The following FAM107A variants were observed in gnomAD, a reference collection of about 807,000 sequenced individuals.
FAM107A encodes the protein actin-associated protein FAM107A.
A neutral mutation model predicts 13.7 loss-of-function variants in FAM107A; 19 were observed. The ratio of observed to expected loss-of-function variants is 1.38; its 90% CI spans 0.97 to 2.03. The LOEUF is 2.03. Ranked by LOEUF, FAM107A falls within the 30% of genes most tolerant of loss-of-function variation. The probability of loss-of-function intolerance (pLI) is 0.00; values close to 1 mark genes in which losing one functional copy is unlikely to be tolerated. For missense variants in FAM107A, 203 were observed against 184.4 expected, an observed-to-expected ratio of 1.10 and a Z score of -0.58; for synonymous variants, 82 against 74.5, an observed-to-expected ratio of 1.10 and a Z score of -0.52.
At chr3:58,584,239 G>A (rs1196473162) in intron 1 of FAM107A, among the ~76,000 whole-genome samples, 2 of 152,162 alleles carry the variant, frequency 1.3e-5, no homozygotes, top group African/African-American at 4.8e-5. Context: ...GTTTCCAATA[G>A]GGGTTTCCAT....
At chr3:58,581,728 C>A (rs975535987), upstream of FAM107A, among the ~76,000 whole-genome samples, 3 of 152,128 alleles carry the variant, frequency 2.0e-5, no homozygotes, top group African/African-American at 7.2e-5. Flanking sequence ...GTCGCCTTTA[C>A]AACAAGTTTG....
chr3:58,618,581 G>A (rs1193918156), intron 1 of FAM107A, among the ~76,000 whole-genome samples: 1 of 152,242 alleles, frequency 6.6e-6, no homozygotes, highest in Non-Finnish European at 1.5e-5. Context: ...AGGAAGATTG[G>A]ATTAGGAGGA....
At chr3:58,627,261 C>T in intron 1 of FAM107A, 1 of 503,434 alleles carries the variant, frequency 2.0e-6, no homozygotes, top group Non-Finnish European at 3.5e-6. Flanking sequence ...CCCTGCAGCT[C>T]CTCACCTCCC....
At chr3:58,627,388 C>T (rs1257877688) in intron 1 of FAM107A, 1 of 211,188 alleles carries the variant, frequency 4.7e-6, no homozygotes, top group African/African-American at 2.3e-5. Flanking sequence ...CTCTGCCTGG[C>T]CCAGCGGGCA....
intron 1 of FAM107A, among the ~76,000 whole-genome samples, chr3:58,574,571 A>G (rs1321692453): frequency 6.6e-6 from 1 of 152,176 alleles, no homozygotes; most frequent in African/African-American, 2.4e-5. Flanking sequence ...GCTCCTCTGT[A>G]GAATTGTGAT....
chr3:58,582,838 T>C (rs1397182245), intron 1 of FAM107A, among the ~76,000 whole-genome samples: 2 of 152,332 alleles, frequency 1.3e-5, no homozygotes, highest in Non-Finnish European at 1.5e-5. Context: ...CTTGCTCTGT[T>C]GCCAGGCTGG....
chr3:58,615,724 T>A (rs2065895383), intron 1 of FAM107A, among the ~76,000 whole-genome samples: 1 of 151,788 alleles, frequency 6.6e-6, no homozygotes, highest in South Asian at 2.1e-4. Context: ...GGTGAGACAC[T>A]GTCTCTACAA....
At chr3:58,616,264 A>G (rs547644662) in intron 1 of FAM107A, among the ~76,000 whole-genome samples, 7 of 152,228 alleles carry the variant, frequency 4.6e-5, no homozygotes, top group Non-Finnish European at 8.8e-5. Flanking sequence ...CAGCTGGCAG[A>G]GGATGGATGG....
chr3:58,597,229 G>A (rs1043788975), intron 1 of FAM107A, among the ~76,000 whole-genome samples: 1 of 152,202 alleles, frequency 6.6e-6, no homozygotes, highest in African/African-American at 2.4e-5. Context: ...GTGGACTTGG[G>A]GGATCATAAG....
At chr3:58,578,942 T>TA (rs1296008321), upstream of FAM107A, among the ~76,000 whole-genome samples, 10 of 152,356 alleles carry the variant, frequency 6.6e-5, no homozygotes, top group African/African-American at 2.4e-4. Flanking sequence ...TCCTACTGTG[T>TA]TCCTGGCACT....
chr3:58,595,959 T>G (rs895691663), intron 1 of FAM107A, among the ~76,000 whole-genome samples: 1 of 152,232 alleles, frequency 6.6e-6, no homozygotes, highest in Admixed American at 6.5e-5. Context: ...TTCTCACCGT[T>G]TCCAAATCGG....
At chr3:58,586,670 T>A (rs959902837) in intron 1 of FAM107A, among the ~76,000 whole-genome samples, 4 of 152,024 alleles carry the variant, frequency 2.6e-5, no homozygotes, top group African/African-American at 9.7e-5. Flanking sequence ...TGCACTCCAG[T>A]CGGGGAGAAA....
chr3:58,567,210 G>A lies in FAM107A; in HGVS notation c.325C>T (p.Gln109Ter). ...CCTGCTGGGTGCCCATCACCCACCT[G>A]GTTCAGCCTCTGCTGCCGTCTCAGC... ...ELLRRQQRLN[Q>*]LEKPPEKEED... Residue 109 changes from glutamine to a stop codon, truncating the protein, a stop_gained and splice_region_variant, in exon 3 of 4, where the codon CAG (glutamine) becomes TAG (stop). Coordinates refer to ENST00000360997, the MANE Select transcript of FAM107A (RefSeq NM_001076778.3). LOFTEE classifies it high-confidence loss of function. 1 of 1,614,202 alleles carries A rather than the reference G, an allele frequency of 6.2e-7. No homozygotes were observed. Among genetic ancestry groups the A allele is most frequent in the Non-Finnish European group, 8.5e-7 (1 of 1,180,032 alleles).
upstream of FAM107A, among the ~76,000 whole-genome samples, chr3:58,578,623 A>T (rs2063749223): frequency 6.6e-6 from 1 of 152,202 alleles, no homozygotes; most frequent in African/African-American, 2.4e-5. Context: ...AAATGTATGT[A>T]GATCCTTAAG....
intron 1 of FAM107A, among the ~76,000 whole-genome samples, chr3:58,602,366 G>A (rs1304406687): frequency 6.6e-6 from 1 of 152,210 alleles, no homozygotes; most frequent in Non-Finnish European, 1.5e-5. Context: ...GCTCCTGGAG[G>A]GAGTGTTGAT....
At position 58,566,602 on chromosome 3, in the gene FAM107A, C is replaced by G. The variant is rs11539086; in HGVS notation, c.421G>C (p.Glu141Gln). The G allele has an allele frequency of 0.075, 121,352 of 1,612,964 alleles. 5,956 individuals carry two copies. Among genetic ancestry groups the G allele is most frequent in the African/African-American group, 0.23 (17,527 of 74,944 alleles). ...GGCAGCTGGCCCTACAGCTCTCTCTCTTCGCTGGTCAGTGTGGCAATTCTC... is the reference window on the plus strand; with the variant it reads ...GGCAGCTGGCCCTACAGCTCTCTCTGTTCGCTGGTCAGTGTGGCAATTCTC... The part of the protein sequence containing the change: ...LRRIATLTSE[E>Q]REL Residue 141 changes from glutamate to glutamine, a missense_variant, in exon 4 of 4, where the codon GAG becomes CAG. Transcript: ENST00000360997.
intron 1 of FAM107A, chr3:58,627,183 A>G (rs2066027225): frequency 1.6e-6 from 1 of 606,098 alleles, no homozygotes; most frequent in South Asian, 2.0e-5. Context: ...CGCCTCAGAC[A>G]GGCTTAGGGC....
Position 58,613,964 on chromosome 3 carries a change from C to A in FAM107A, c.-70+13452G>T, listed in dbSNP as rs1194168010. 2.6e-5 allele frequency among the ~76,000 whole-genome samples: 4 copies of A among 152,208 alleles called. No homozygotes were observed. The highest frequency in any genetic ancestry group is 5.9e-5 in the Non-Finnish European group (4 of 68,038). ...CCTGGGAAGTGCCAGTGGGCTGGAC[C>A]GGATCAGCATCAGTCACTAGGGGAA... On this transcript the variant is annotated intron_variant, in intron 1 of 3. Transcript: ENST00000465970. This position sits in a 1 kb window ranked among gnomAD's most constrained non-coding sequence, Gnocchi z 4.6.
At chr3:58,572,944 C>A (rs1046564483) in intron 1 of FAM107A, among the ~76,000 whole-genome samples, 1 of 152,172 alleles carries the variant, frequency 6.6e-6, no homozygotes, top group African/African-American at 2.4e-5. Context: ...AAGTGGCACT[C>A]CTTTTTTATT....
Sources: gnomAD v4.1 joint callset for allele counts (sites outside exome capture counted in the v4.1 genomes callset) on GRCh38, gnomAD v4.1.1 for gene constraint, Gnocchi (gnomAD v3.1) non-coding constraint, MANE v1.5 for transcripts, NCBI Gene and HGNC (gene_info 2026-07-23, HGNC 2026-07-21) for gene names.